The following HTR1E variants were observed in gnomAD, a reference collection of about 807,000 sequenced individuals.
HTR1E encodes 5-HT-1E.
Under a neutral mutation model 3.4 loss-of-function variants are expected in HTR1E, and 3 were observed. That is an observed-to-expected ratio of 0.89 (90% CI 0.41 to 2.31). HTR1E has a LOEUF of 2.31. Ranked by LOEUF, HTR1E falls within the 30% of genes most tolerant of loss-of-function variation. The pLI is 0.05. For missense variants in HTR1E, 392 were observed against 467.0 expected, an observed-to-expected ratio of 0.84 and a Z score of 1.48; for synonymous variants, 170 against 182.8, an observed-to-expected ratio of 0.93 and a Z score of 0.56.
intron 1 of HTR1E, among the ~76,000 whole-genome samples, chr6:86,967,971 C>A (rs998594030): frequency 6.6e-6 from 1 of 152,134 alleles, no homozygotes; most frequent in Non-Finnish European, 1.5e-5. Flanking sequence ...TGGCTTTCAG[C>A]TATCAGTTTC....
chr6:86,960,959 T>A (rs1004031838), intron 1 of HTR1E, among the ~76,000 whole-genome samples: 2 of 152,230 alleles, frequency 1.3e-5, no homozygotes, highest in Non-Finnish European at 2.9e-5. Flanking sequence ...CACAATAGTG[T>A]GTCTGAATAC....
chr6:86,961,761 A>G (rs1219941474), intron 1 of HTR1E, among the ~76,000 whole-genome samples: 1 of 152,248 alleles, frequency 6.6e-6, no homozygotes, highest in Non-Finnish European at 1.5e-5. Context: ...ACATATGCAC[A>G]TGCAAATATA....
At chr6:86,988,284 G>A (rs1041058) in intron 1 of HTR1E, among the ~76,000 whole-genome samples, 12,685 of 152,160 alleles carry the variant, frequency 0.083, 754 homozygotes, top group Non-Finnish European at 0.12. Flanking sequence ...TTTACCACGG[G>A]AAGTACACTG....
intron 1 of HTR1E, chr6:86,970,767 G>A (rs1441056681): frequency 9.0e-6 from 2 of 222,432 alleles, no homozygotes; most frequent in Admixed American, 5.6e-5. Flanking sequence ...AAGGTGTTCT[G>A]AAAGGTATTA....
At chr6:86,994,995 A>G (rs1368282873) in intron 1 of HTR1E, among the ~76,000 whole-genome samples, 5 of 152,068 alleles carry the variant, frequency 3.3e-5, no homozygotes, top group African/African-American at 1.2e-4. Flanking sequence ...CAAAAACACT[A>G]AAAGTAAATT....
intron 1 of HTR1E, among the ~76,000 whole-genome samples, chr6:86,990,522 C>T (rs181094439): frequency 1.3e-5 from 2 of 152,132 alleles, no homozygotes; most frequent in Admixed American, 1.3e-4. Flanking sequence ...GAAAGAGTTC[C>T]CAGTGACCAA....
chr6:86,940,976 C>T (rs763678664), intron 1 of HTR1E, among the ~76,000 whole-genome samples: 9 of 152,160 alleles, frequency 5.9e-5, no homozygotes, highest in Non-Finnish European at 1.2e-4. Context: ...AACATAAACC[C>T]CAGGGAAACA....
intron 1 of HTR1E, among the ~76,000 whole-genome samples, chr6:86,997,356 G>A (rs1032812571): frequency 4.0e-5 from 6 of 150,990 alleles, no homozygotes; most frequent in African/African-American, 9.7e-5. Context: ...AAAATAAGAC[G>A]AGAATAAAAA....
At chr6:86,964,646 C>A (rs559487815) in intron 1 of HTR1E, among the ~76,000 whole-genome samples, 20 of 152,154 alleles carry the variant, frequency 1.3e-4, no homozygotes, top group Non-Finnish European at 2.4e-4. Context: ...CTGTAAACTT[C>A]TCCTTACAAC....
chr6:86,963,259 T>C (rs1421655765), intron 1 of HTR1E, among the ~76,000 whole-genome samples: 1 of 152,100 alleles, frequency 6.6e-6, no homozygotes, highest in African/African-American at 2.4e-5. Flanking sequence ...AATAAGGATA[T>C]AAAAAAAGAA....
chr6:87,010,061 T>C (rs1381111638), intron 1 of HTR1E, among the ~76,000 whole-genome samples: 69 of 69,310 alleles, frequency 1.0e-3, no homozygotes, highest in Middle Eastern at 0.012. Context: ...GGCGGGGGGC[T>C]GACCCCCCCA....
chr6:87,011,968 A>G (rs1768244339), intron 1 of HTR1E, among the ~76,000 whole-genome samples: 1 of 152,202 alleles, frequency 6.6e-6, no homozygotes, highest in African/African-American at 2.4e-5. Context: ...GACTTGGGCC[A>G]GAAGTTCTGG....
At chr6:86,942,534 T>C (rs114495929) in intron 1 of HTR1E, among the ~76,000 whole-genome samples, 2 of 152,330 alleles carry the variant, frequency 1.3e-5, no homozygotes, top group African/African-American at 2.4e-5. Context: ...TATTATGCTT[T>C]CATTTGAGCC....
chr6:86,949,420 T>C (rs1249700980), intron 1 of HTR1E, among the ~76,000 whole-genome samples: 1 of 152,232 alleles, frequency 6.6e-6, no homozygotes, highest in Non-Finnish European at 1.5e-5. Context: ...GTAAATGACC[T>C]ATTTCACTCA....
chr6:86,976,566 A>C (rs1164047238), intron 1 of HTR1E, among the ~76,000 whole-genome samples: 1 of 152,204 alleles, frequency 6.6e-6, no homozygotes, highest in African/African-American at 2.4e-5. Flanking sequence ...ACACATCAAC[A>C]TCTCCAAGAT....
Position 87,016,545 on chromosome 6 carries a change from T to C in HTR1E, c.*113T>C, listed in dbSNP as rs929597013. On this transcript the variant is annotated 3_prime_UTR_variant, in exon 2 of 2. Transcript: ENST00000305344. ...CTTGGTTCAGGAGAGTTTGTAAGTATGTGTGGTCTTGTTTCCTTGTTTGTT... is the reference window on the plus strand; with the variant it reads ...CTTGGTTCAGGAGAGTTTGTAAGTACGTGTGGTCTTGTTTCCTTGTTTGTT... 1.2e-6 allele frequency: 1 copy of C among 829,222 alleles called. No individual in the cohort carries two copies. The highest frequency in any genetic ancestry group is 1.9e-6 in the Non-Finnish European group (1 of 538,272). 51.4% of individuals were successfully genotyped at this position (829,222 alleles called of 1,614,324 possible).
At chr6:86,968,582 C>T (rs914789832) in intron 1 of HTR1E, among the ~76,000 whole-genome samples, 5 of 152,156 alleles carry the variant, frequency 3.3e-5, no homozygotes, top group Non-Finnish European at 7.4e-5. Flanking sequence ...AGCATTAGTT[C>T]ATAGTTTAAC....
intron 1 of HTR1E, among the ~76,000 whole-genome samples, chr6:86,974,884 T>A (rs1445579694): frequency 6.6e-6 from 1 of 152,216 alleles, no homozygotes; most frequent in African/African-American, 2.4e-5. Flanking sequence ...TCCTGTGTAC[T>A]TTGATACATC....
intron 1 of HTR1E, among the ~76,000 whole-genome samples, chr6:86,999,889 C>T (rs1415996274): frequency 2.6e-5 from 4 of 152,210 alleles, no homozygotes; most frequent in Admixed American, 6.5e-5. Context: ...GTGCTACTAT[C>T]TACACAAACA....
Sources: gnomAD v4.1 joint callset for allele counts (sites outside exome capture counted in the v4.1 genomes callset) on GRCh38, gnomAD v4.1.1 for gene constraint, MANE v1.5 for transcripts, NCBI Gene and HGNC (gene_info 2026-07-23, HGNC 2026-07-21) for gene names.